XPR1: variants seen among roughly 807,000 people sequenced by gnomAD.
The protein encoded by XPR1 is xenotropic and polytropic retrovirus receptor 1, also known as solute carrier family 53 member 1.
In XPR1, 28 loss-of-function variants were observed where a neutral mutation model predicts 87.5. The observed-to-expected ratio is 0.32, with a 90% CI of 0.24 to 0.44. The LOEUF (loss-of-function observed/expected upper bound fraction) is 0.44, where lower values mean the gene tolerates loss of function less well. XPR1 is among the 20% of genes least tolerant of loss of function. The pLI is 1.00. For missense variants in XPR1, 559 were observed against 862.3 expected, an observed-to-expected ratio of 0.65 and a Z score of 4.41; for synonymous variants, 300 against 306.1, an observed-to-expected ratio of 0.98 and a Z score of 0.21.
intron 2 of XPR1, among the ~76,000 whole-genome samples, chr1:180,732,756 A>G (rs1300717785): frequency 1.3e-5 from 2 of 152,216 alleles, no homozygotes; most frequent in Non-Finnish European, 2.9e-5. Flanking sequence ...GGCTTGTGTT[A>G]CCAGCTCAAT....
intron 2 of XPR1, among the ~76,000 whole-genome samples, chr1:180,780,520 G>T (rs1373427475): frequency 6.6e-6 from 1 of 152,102 alleles, no homozygotes; most frequent in Non-Finnish European, 1.5e-5. Flanking sequence ...TCTTATTGTT[G>T]AGTTAGAGGA....
chr1:180,858,362 CCATAAA>C (rs1489294251), intron 11 of XPR1, among the ~76,000 whole-genome samples: 3 of 152,036 alleles, frequency 2.0e-5, no homozygotes, highest in African/African-American at 7.2e-5. Flanking sequence ...TGTTTTTTTC[CCATAAA>C]CATAATTTTA....
chr1:180,759,407 G>A (rs984948681), intron 2 of XPR1, among the ~76,000 whole-genome samples: 3 of 151,806 alleles, frequency 2.0e-5, no homozygotes, highest in South Asian at 2.1e-4. Context: ...AATCAGATAG[G>A]CGCAATAAAA....
chr1:180,691,643 A>G lies in XPR1; in HGVS notation c.121+9232A>G, dbSNP rs552148532. Among the ~76,000 whole-genome samples the G allele has an allele frequency of 6.6e-5, 10 of 152,210 alleles. No homozygotes were observed. In the South Asian group the frequency reaches 2.1e-3, roughly 32 times the overall value. On this transcript the variant is annotated intron_variant, in intron 2 of 14. Coordinates refer to ENST00000367590, the MANE Select transcript of XPR1 (RefSeq NM_004736.4). ...CAGTCTTGTGAACAGGTTTTGTTAG[A>G]AATTTTGGCTTAGGTTCTCTCTGCT...
Position 180,723,124 on chromosome 1 carries a change from G to A in XPR1, c.121+40713G>A, listed in dbSNP as rs1189052167. Among the ~76,000 whole-genome samples, 5 of 152,164 alleles carry A rather than the reference G, an allele frequency of 3.3e-5. No individual in the cohort carries two copies. The South Asian group carries it at 8.3e-4, about 25-fold the overall frequency. ...TTACAAATATCTCTCTGTCCTCCCC[G>A]TTTCGGCTTTGTTTGATAGAAGTGT... is the stretch of plus-strand genomic sequence containing the variant. On this transcript the variant is annotated intron_variant, in intron 2 of 14. Coordinates refer to ENST00000367590, the MANE Select transcript of XPR1 (RefSeq NM_004736.4).
intron 7 of XPR1, among the ~76,000 whole-genome samples, chr1:180,813,052 A>G (rs563522492): frequency 1.5e-3 from 201 of 131,396 alleles, no homozygotes; most frequent in African/African-American, 5.1e-3. Context: ...CCCCCCCCCA[A>G]TGGAAGTTAG....
intron 12 of XPR1, among the ~76,000 whole-genome samples, chr1:180,873,453 C>A (rs1652568209): frequency 6.6e-6 from 1 of 152,144 alleles, no homozygotes. Flanking sequence ...TCTACTGTAC[C>A]TGTTAGAATG....
intron 9 of XPR1, among the ~76,000 whole-genome samples, chr1:180,830,686 A>G (rs12059678): frequency 0.043 from 6,542 of 152,248 alleles, 504 homozygotes; most frequent in African/African-American, 0.15. Flanking sequence ...TTCCTACTGT[A>G]TAAGATAGAA....
At chr1:180,845,713 G>T (rs1464311003) in intron 11 of XPR1, among the ~76,000 whole-genome samples, 1 of 151,580 alleles carries the variant, frequency 6.6e-6, no homozygotes, top group Non-Finnish European at 1.5e-5. Flanking sequence ...TTAGATACAG[G>T]GTCTCACTAC....
chr1:180,669,424 C>A (rs772158531), intron 1 of XPR1, among the ~76,000 whole-genome samples: 15 of 151,846 alleles, frequency 9.9e-5, no homozygotes, highest in Non-Finnish European at 2.1e-4. Flanking sequence ...GCTGTGTCTC[C>A]CAGGCTGGAG....
intron 10 of XPR1, 30 bp downstream of exon 10, chr1:180,835,075 A>G: frequency 1.2e-6 from 2 of 1,605,558 alleles, no homozygotes; most frequent in Non-Finnish European, 1.7e-6. Flanking sequence ...CTATACTACT[A>G]AATCGCTGGT....
chr1:180,818,691 T>G (rs1045402613), intron 7 of XPR1, among the ~76,000 whole-genome samples: 2 of 152,158 alleles, frequency 1.3e-5, no homozygotes, highest in Non-Finnish European at 1.5e-5. Flanking sequence ...AGAGATGATA[T>G]ACTTATTCTT....
chr1:180,653,804 C>A (rs960179589), intron 1 of XPR1, among the ~76,000 whole-genome samples: 1 of 152,082 alleles, frequency 6.6e-6, no homozygotes, highest in Non-Finnish European at 1.5e-5. Flanking sequence ...ATACCGTTAA[C>A]GTTGATCTGG....
At chr1:180,861,974 C>T (rs1369381323) in intron 11 of XPR1, among the ~76,000 whole-genome samples, 2 of 151,904 alleles carry the variant, frequency 1.3e-5, no homozygotes, top group South Asian at 4.2e-4. Context: ...AGAATAAAAG[C>T]AAAAATTAAT....
Position 180,890,116 on chromosome 1 carries a change from G to A in XPR1, c.*6050G>A, listed in dbSNP as rs1653143669. The A allele has an allele frequency of 6.6e-6, 1 of 152,038 alleles. No individual in the cohort carries two copies. Among genetic ancestry groups the A allele is most frequent in the Non-Finnish European group, 1.5e-5 (1 of 68,018 alleles). The allele number at this position is 152,038 out of a possible 1,614,324, so 9.4% of individuals were successfully genotyped here. On this transcript the variant is annotated 3_prime_UTR_variant, in exon 15 of 15. Coordinates refer to ENST00000367590, the MANE Select transcript of XPR1 (RefSeq NM_004736.4). ...GATAAGTAGGTTAAATGCACAATGT[G>A]GTACTGTTTTATAGTTTCTAGATGG... is the stretch of plus-strand genomic sequence containing the variant.
intron 1 of XPR1, among the ~76,000 whole-genome samples, chr1:180,664,584 C>G (rs7550955): frequency 1.3e-5 from 2 of 152,242 alleles, no homozygotes; most frequent in East Asian, 3.9e-4. Flanking sequence ...TCTTTTGGAG[C>G]TTCAAGCCTT....
chr1:180,734,266 A>G (rs889166185), intron 2 of XPR1, among the ~76,000 whole-genome samples: 4 of 152,224 alleles, frequency 2.6e-5, no homozygotes, highest in Non-Finnish European at 5.9e-5. Context: ...GGCAGGGAAG[A>G]AGGCTTTAAT....
intron 1 of XPR1, among the ~76,000 whole-genome samples, chr1:180,659,329 TTCCTTCCTTCCG>T (rs1366191791): frequency 7.4e-4 from 102 of 136,926 alleles, no homozygotes; most frequent in Non-Finnish European, 1.3e-3. Flanking sequence ...TCTGTCTTCC[TTCCTTCCTTCCG>T]TCCTTCCTTC....
At chr1:180,837,454 A>G (rs1461199103) in intron 11 of XPR1, among the ~76,000 whole-genome samples, 1 of 151,668 alleles carries the variant, frequency 6.6e-6, no homozygotes, top group African/African-American at 2.4e-5. Flanking sequence ...ATACTTTGCA[A>G]AATTTTTTTT....
Sources: gnomAD v4.1 joint callset for allele counts (sites outside exome capture counted in the v4.1 genomes callset) on GRCh38, gnomAD v4.1.1 for gene constraint, MANE v1.5 for transcripts, NCBI Gene and HGNC (gene_info 2026-07-23, HGNC 2026-07-21) for gene names.